The following BRINP3 variants were observed in gnomAD, a reference collection of about 807,000 sequenced individuals.
The protein encoded by BRINP3 is BMP/retinoic acid-inducible neural-specific protein 3.
In BRINP3, 19 loss-of-function variants were observed where a neutral mutation model predicts 71.0. The observed-to-expected ratio is 0.27, with a 90% CI of 0.19 to 0.39. The LOEUF (loss-of-function observed/expected upper bound fraction) is 0.39. BRINP3 is among the 10% of genes least tolerant of loss of function. The pLI, the probability that BRINP3 is intolerant of heterozygous loss-of-function variation, is 1.00. For missense variants in BRINP3, 959 were observed against 940.8 expected (o/e 1.02, Z -0.25); for synonymous variants, 380 against 337.7 (o/e 1.13, Z -1.37).
intron 2 of BRINP3, among the ~76,000 whole-genome samples, chr1:190,424,573 C>T (rs1572014336): frequency 6.6e-6 from 1 of 151,612 alleles, no homozygotes; most frequent in South Asian, 2.1e-4. Flanking sequence ...AACTTTGCCC[C>T]AGTAAGAAAT....
At chr1:190,224,600 A>G (rs1657172078) in intron 6 of BRINP3, among the ~76,000 whole-genome samples, 1 of 151,916 alleles carries the variant, frequency 6.6e-6, no homozygotes, top group Admixed American at 6.6e-5. Flanking sequence ...TAAAACCTCA[A>G]CATTACAGAC....
In BRINP3 at chr1:190,121,838, TAGAAAAAA is replaced by T. The variant is rs535845234; in HGVS notation, c.1185-22712_1185-22705del. Reference sequence around the variant, plus strand: ...GAATGAATCAATACATGAAGTAAAATAGAAAAAAAGCAAATTAGGAGTATGTAAATAAA... The same window carrying T: ...GAATGAATCAATACATGAAGTAAAATAGCAAATTAGGAGTATGTAAATAAA... On this transcript the variant is annotated intron_variant, in intron 7 of 7. Transcript: ENST00000367462. Among the ~76,000 whole-genome samples the T allele has an allele frequency of 1.3e-3, 197 of 151,992 alleles. 1 individual carries two copies. The highest frequency in any genetic ancestry group is 4.6e-3 in the African/African-American group (192 of 41,472).
At chr1:190,206,979 T>A (rs1655559375) in intron 6 of BRINP3, among the ~76,000 whole-genome samples, 1 of 150,172 alleles carries the variant, frequency 6.7e-6, no homozygotes, top group Admixed American at 6.7e-5. Flanking sequence ...TTTTTTTTTG[T>A]TTTGTTTTGT....
chr1:190,118,615 A>G (rs1653349572), intron 7 of BRINP3, among the ~76,000 whole-genome samples: 1 of 152,190 alleles, frequency 6.6e-6, no homozygotes, highest in South Asian at 2.1e-4. Context: ...TAACTTTAAC[A>G]TGAACATTGA....
intron 1 of BRINP3, among the ~76,000 whole-genome samples, chr1:190,467,547 G>A (rs867460427): frequency 1.3e-5 from 2 of 151,392 alleles, no homozygotes; most frequent in South Asian, 2.1e-4. Flanking sequence ...AACTTACCCA[G>A]TTGACAGAGA....
At chr1:190,272,260 G>A (rs1272432510) in intron 3 of BRINP3, among the ~76,000 whole-genome samples, 1 of 151,448 alleles carries the variant, frequency 6.6e-6, no homozygotes, top group African/African-American at 2.4e-5. Flanking sequence ...TATTGCTTGT[G>A]TTTTAATTGG....
chr1:190,229,772 A>ATTGAAGG (rs2102717799), intron 5 of BRINP3, among the ~76,000 whole-genome samples: 1 of 152,102 alleles, frequency 6.6e-6, no homozygotes, highest in African/African-American at 2.4e-5. Context: ...CATTGAAACT[A>ATTGAAGG]AATCTTCTCT....
chr1:190,406,346 T>C (rs901748478), intron 2 of BRINP3, among the ~76,000 whole-genome samples: 9 of 152,164 alleles, frequency 5.9e-5, no homozygotes, highest in Non-Finnish European at 1.2e-4. Flanking sequence ...TACCATCATA[T>C]TTTAATATTC....
chr1:190,132,004 A>G (rs1339689600), intron 7 of BRINP3, among the ~76,000 whole-genome samples: 1 of 152,074 alleles, frequency 6.6e-6, no homozygotes, highest in African/African-American at 2.4e-5. Context: ...AGTGTGTAGA[A>G]GCAAAGGACT....
intron 2 of BRINP3, among the ~76,000 whole-genome samples, chr1:190,404,198 AT>A: frequency 6.6e-6 from 1 of 152,306 alleles, no homozygotes; most frequent in South Asian, 2.1e-4. Context: ...AGTAATTCTA[AT>A]GAAAACATTT....
intron 2 of BRINP3, among the ~76,000 whole-genome samples, chr1:190,338,261 G>T (rs1206610023): frequency 6.6e-6 from 1 of 152,042 alleles, no homozygotes; most frequent in Non-Finnish European, 1.5e-5. Context: ...GACTATCTAA[G>T]CCTAGCTCTA....
At chr1:190,117,330 A>C (rs1361095598) in intron 7 of BRINP3, among the ~76,000 whole-genome samples, 1 of 152,026 alleles carries the variant, frequency 6.6e-6, no homozygotes, top group Non-Finnish European at 1.5e-5. Context: ...ATTGTTGAAA[A>C]CCTGAAAAGA....
rs564113939 is a variant in BRINP3, at chr1:190,400,514, C to A, written c.236+54141G>T. Reference sequence around the variant, plus strand: ...AATTCCGGTTGTTTCAAAAAACTATCCAATGCTTTTAGTCAGCGTGAGGTT... The same window carrying A: ...AATTCCGGTTGTTTCAAAAAACTATACAATGCTTTTAGTCAGCGTGAGGTT... On this transcript the variant is annotated intron_variant, in intron 2 of 7. Transcript: ENST00000367462. 5.9e-5 allele frequency among the ~76,000 whole-genome samples: 9 copies of A among 152,234 alleles called. No homozygotes were observed. The East Asian group carries it at 1.7e-3, about 29-fold the overall frequency.
chr1:190,449,563 G>GTA (rs34335384), intron 2 of BRINP3, among the ~76,000 whole-genome samples: 25,771 of 150,622 alleles, frequency 0.17, 2,211 homozygotes, highest in South Asian at 0.21. Context: ...ATTATAGCAT[G>GTA]TATATATATA....
intron 2 of BRINP3, among the ~76,000 whole-genome samples, chr1:190,288,214 A>G (rs1352720337): frequency 6.6e-6 from 1 of 151,998 alleles, no homozygotes; most frequent in Non-Finnish European, 1.5e-5. Context: ...TCATATAATA[A>G]TACAGATTAG....
chr1:190,235,067 C>T (rs186614230), intron 4 of BRINP3, among the ~76,000 whole-genome samples: 6 of 152,026 alleles, frequency 3.9e-5, no homozygotes, highest in Non-Finnish European at 5.9e-5. Flanking sequence ...TCCCACCTCA[C>T]TTGGATTAGA....
chr1:190,214,049 A>G (rs1001841690), intron 6 of BRINP3, among the ~76,000 whole-genome samples: 1 of 152,004 alleles, frequency 6.6e-6, no homozygotes, highest in African/African-American at 2.4e-5. Flanking sequence ...AATCACTCAT[A>G]GGTTGGAGCT....
chr1:190,228,567 T>C (rs1369055579), intron 5 of BRINP3, among the ~76,000 whole-genome samples: 1 of 151,886 alleles, frequency 6.6e-6, no homozygotes, highest in Non-Finnish European at 1.5e-5. Flanking sequence ...CAAATACTCC[T>C]GCTATGATGA....
chr1:190,198,786 A>C (rs1012314763), intron 6 of BRINP3, among the ~76,000 whole-genome samples: 2 of 152,142 alleles, frequency 1.3e-5, no homozygotes, highest in Non-Finnish European at 1.5e-5. Flanking sequence ...CAAGTCTCTA[A>C]GAAGTTCCAA....
Sources: gnomAD v4.1 joint callset for allele counts (sites outside exome capture counted in the v4.1 genomes callset) on GRCh38, gnomAD v4.1.1 for gene constraint, MANE v1.5 for transcripts, NCBI Gene and HGNC (gene_info 2026-07-23, HGNC 2026-07-21) for gene names.